The following SCGB2A1 variants were observed in gnomAD, a reference collection of about 807,000 sequenced individuals.
The protein encoded by SCGB2A1 is mammaglobin-B.
Under a neutral mutation model 9.2 loss-of-function variants are expected in SCGB2A1, and 6 were observed. That is an observed-to-expected ratio of 0.66 (90% CI 0.36 to 1.29). The LOEUF (loss-of-function observed/expected upper bound fraction) is 1.29, where lower values mean the gene tolerates loss of function less well. Among genes scored for constraint, SCGB2A1 ranks in the 50% most tolerant of loss-of-function variants. The pLI, the probability that SCGB2A1 is intolerant of heterozygous loss-of-function variation, is 0.03. For missense variants in SCGB2A1, 138 were observed against 116.9 expected (o/e 1.18, Z -0.83); for synonymous variants, 37 against 41.0 (o/e 0.90, Z 0.37).
Position 62,210,465 on chromosome 11 carries a change from C to T in SCGB2A1, c.108C>T (p.Asp36=), listed in dbSNP as rs1275612694. 5 of 1,566,854 alleles carry T rather than the reference C, an allele frequency of 3.2e-6. No individual in the cohort carries two copies. In the East Asian group the frequency reaches 6.9e-5, roughly 22 times the overall value. Residue 36 remains aspartate (D), a synonymous_variant, in exon 2 of 3, where the codon GAC becomes GAT. Coordinates refer to ENST00000244930, the MANE Select transcript of SCGB2A1 (RefSeq NM_002407.3). The part of the protein sequence containing the change: ...EDMVEKTINS[D]ISIPEYKELL... Reference sequence around the variant, plus strand: ...TGGTTGAAAAGACCATCAATTCCGACATATCTATACCTGAATACAAAGAGC... The same window carrying T: ...TGGTTGAAAAGACCATCAATTCCGATATATCTATACCTGAATACAAAGAGC...
At chr11:62,213,606 G>A in intron 2 of SCGB2A1, 120 bp from the exon 3 acceptor site, 2 of 947,500 alleles carry the variant, frequency 2.1e-6, no homozygotes, top group Non-Finnish European at 3.2e-6. Flanking sequence ...TGCTTCCACT[G>A]CAAATCCTCC....
intron 1 of SCGB2A1, among the ~76,000 whole-genome samples, chr11:62,210,016 G>C (rs895486225): frequency 3.6e-4 from 55 of 152,264 alleles, no homozygotes; most frequent in Middle Eastern, 6.8e-3. Context: ...AGAACTAATG[G>C]ACAATGTCCT....
intron 2 of SCGB2A1, among the ~76,000 whole-genome samples, chr11:62,212,184 A>T (rs1012712779): frequency 6.6e-6 from 1 of 151,902 alleles, no homozygotes; most frequent in Admixed American, 6.6e-5. Context: ...CAGCCTCCCA[A>T]AGTGCTGGGA....
At chr11:62,209,679 T>TGTGTGTGTGTGTG (rs1554985480) in intron 1 of SCGB2A1, among the ~76,000 whole-genome samples, 2 of 90,086 alleles carry the variant, frequency 2.2e-5, no homozygotes, top group Admixed American at 1.2e-4. Context: ...GTGTGTGTGT[T>TGTGTGTGTGTGTG]TGAGACAGGG....
At chr11:62,209,836 G>A (rs1057073755) in intron 1 of SCGB2A1, among the ~76,000 whole-genome samples, 3 of 151,998 alleles carry the variant, frequency 2.0e-5, no homozygotes, top group Non-Finnish European at 4.4e-5. Flanking sequence ...CACTATGCCT[G>A]GCTAATTTTT....
chr11:62,213,923 A>G lies in SCGB2A1; in HGVS notation c.*153A>G. ...CTCAAATTCATTTCCATTTCAATAA[A>G]CTAACTGCAAATCACTAAAATTCTT... On this transcript the variant is annotated 3_prime_UTR_variant, in exon 3 of 3. Coordinates refer to ENST00000244930, the MANE Select transcript of SCGB2A1 (RefSeq NM_002407.3). The G allele has an allele frequency of 5.1e-6, 3 of 588,234 alleles. No individual in the cohort carries two copies. In the South Asian group the frequency reaches 8.2e-5, roughly 16 times the overall value. 36.4% of individuals were successfully genotyped at this position (588,234 alleles called of 1,614,324 possible). A position where few individuals can be genotyped will look rare whatever the true frequency, so the allele number is the denominator to read the frequency against.
At position 62,208,888 on chromosome 11, in the gene SCGB2A1, G is replaced by A. The variant is rs551742904; in HGVS notation, c.55+102G>A. The A allele has an allele frequency of 2.3e-5, 28 of 1,202,358 alleles. No homozygotes were observed. In the East Asian group the frequency reaches 6.7e-4, roughly 29 times the overall value. 74.5% of individuals were successfully genotyped at this position (1,202,358 alleles called of 1,614,324 possible). A position where few individuals can be genotyped will look rare whatever the true frequency, so the allele number is the denominator to read the frequency against. ...TAATCCCCAGCACAGACGAGCCCCA[G>A]TGTGAAGGGCCTGGGTGCGATAGGC... On this transcript the variant is annotated intron_variant, in intron 1 of 2. Coordinates refer to ENST00000244930, the MANE Select transcript of SCGB2A1 (RefSeq NM_002407.3).
rs759541681 is a variant in SCGB2A1, at chr11:62,208,703, G to A, written c.-29G>A. 1.2e-5 allele frequency: 19 copies of A among 1,612,682 alleles called. No homozygotes were observed. The highest frequency in any genetic ancestry group is 1.6e-4 in the Middle Eastern group (1 of 6,076). On this transcript the variant is annotated 5_prime_UTR_variant, in exon 1 of 3. Coordinates refer to ENST00000244930, the MANE Select transcript of SCGB2A1 (RefSeq NM_002407.3). ...AACTTCCTTGATCCCTGCCACGCAC[G>A]ACTGAACACAGACAGCAGCCGCCTC...
intron 1 of SCGB2A1, 54 bp from the exon 2 acceptor site, chr11:62,210,359 C>T: frequency 1.3e-6 from 2 of 1,534,176 alleles, no homozygotes; most frequent in Non-Finnish European, 1.7e-6. Context: ...TGAATCACAC[C>T]TCTAGTAATG....
rs1286093924 is a variant in SCGB2A1, at chr11:62,213,010, A to ACG, written c.244-716_244-715insCG. Among the ~76,000 whole-genome samples, 13 of 86,834 alleles carry ACG rather than the reference A, an allele frequency of 1.5e-4. No individual in the cohort carries two copies. The South Asian group carries it at 2.6e-3, about 17-fold the overall frequency. 57.0% of individuals were successfully genotyped at this position (86,834 alleles called of 152,430 possible). ...TATACATGCATATATGTACACATAT[A>ACG]TGCACATATATACATATATACACAC... is the stretch of plus-strand genomic sequence containing the variant. On this transcript the variant is annotated intron_variant, in intron 2 of 2. Coordinates refer to ENST00000244930, the MANE Select transcript of SCGB2A1 (RefSeq NM_002407.3).
At chr11:62,213,106 ATTT>A (rs1554985926) in intron 2 of SCGB2A1, among the ~76,000 whole-genome samples, 4 of 116,252 alleles carry the variant, frequency 3.4e-5, no homozygotes, top group Non-Finnish European at 6.8e-5. Flanking sequence ...ATATATATAT[ATTT>A]TTTTTTTTGT....
chr11:62,210,532 A>G lies in SCGB2A1; in HGVS notation c.175A>G (p.Met59Val), dbSNP rs766914351. Residue 59 changes from methionine to valine, a missense_variant, in exon 2 of 3, where the codon ATG (methionine) becomes GTG (valine). Physicochemically the swap from Met to Val is conservative, Grantham distance 21. Transcript: ENST00000244930. Reference protein sequence around the residue: ...FIDSDAAAEAMGKFKQCFLNQ... With the variant: ...FIDSDAAAEAVGKFKQCFLNQ... ...AGACAGTGATGCCGCTGCAGAGGCT[A>G]TGGGGAAATTCAAGCAGTGTTTCCT... 3.1e-6 allele frequency: 5 copies of G among 1,591,888 alleles called. No individual in the cohort carries two copies. Among genetic ancestry groups the G allele is most frequent in the South Asian group, 2.4e-5 (2 of 83,136 alleles).
In SCGB2A1 at chr11:62,208,783, G is replaced by A; in HGVS notation, c.52G>A (p.Ala18Thr). 6.2e-7 allele frequency: 1 copy of A among 1,613,214 alleles called. No homozygotes were observed. Among genetic ancestry groups the A allele is most frequent in the Admixed American group, 1.7e-5 (1 of 60,008 alleles). The part of the protein sequence containing the change: ...MLAALLLHCY[A>T]DSGCKLLEDM... Reference sequence around the variant, plus strand: ...GGCGGCCCTCCTCCTGCACTGCTATGCAGGTGAGTTCTGGGCAGAGAGGGC... The same window carrying A: ...GGCGGCCCTCCTCCTGCACTGCTATACAGGTGAGTTCTGGGCAGAGAGGGC... The change falls in exon 1 of 3, where the codon GCA becomes ACA. Residue 18 changes from alanine (A) to threonine (T), a missense_variant. Transcript: ENST00000244930.
At chr11:62,208,955 T>A (rs796458494) in intron 1 of SCGB2A1, among the ~76,000 whole-genome samples, 169 bp downstream of exon 1, 2 of 152,234 alleles carry the variant, frequency 1.3e-5, no homozygotes, top group African/African-American at 4.8e-5. Context: ...GCATGCAGTG[T>A]CCTCATGGGC....
At chr11:62,211,105 C>A (rs772887384) in intron 2 of SCGB2A1, among the ~76,000 whole-genome samples, 1 of 151,728 alleles carries the variant, frequency 6.6e-6, no homozygotes, top group Non-Finnish European at 1.5e-5. Flanking sequence ...TGTATTTTAA[C>A]TAGAGAAGGA....
intron 1 of SCGB2A1, among the ~76,000 whole-genome samples, chr11:62,209,374 G>A (rs567196953): frequency 2.0e-5 from 3 of 152,260 alleles, no homozygotes; most frequent in South Asian, 2.1e-4. Flanking sequence ...AAAAAGCCCC[G>A]GCTGCTGGAA....
In SCGB2A1 at chr11:62,213,794, G is replaced by A. The variant is rs749897608; in HGVS notation, c.*24G>A. On this transcript the variant is annotated 3_prime_UTR_variant, in exon 3 of 3. Transcript: ENST00000244930. ...AACTTTACCCAAGGCGTTTGGCTCA[G>A]AGGGCTACAGACTATGGCCAGAACT... 2 of 1,606,606 alleles carry A rather than the reference G, an allele frequency of 1.2e-6. No homozygotes were observed. The highest frequency in any genetic ancestry group is 1.1e-5 in the South Asian group (1 of 90,698).
intron 2 of SCGB2A1, among the ~76,000 whole-genome samples, chr11:62,211,214 G>A (rs1040306802): frequency 2.0e-5 from 3 of 151,850 alleles, no homozygotes; most frequent in Non-Finnish European, 4.4e-5. Context: ...CTGAGCCCCC[G>A]CACCCAGCCA....
At chr11:62,213,074 A>G (rs1944849501) in intron 2 of SCGB2A1, among the ~76,000 whole-genome samples, 1 of 43,722 alleles carries the variant, frequency 2.3e-5, no homozygotes, top group Admixed American at 3.5e-4. Flanking sequence ...ATATATACAT[A>G]TATACACATA....
Sources: allele counts gnomAD v4.1 joint callset (sites outside exome capture counted in the v4.1 genomes callset), GRCh38; gene constraint gnomAD v4.1.1; transcripts MANE v1.5; gene names NCBI Gene and HGNC (gene_info 2026-07-23, HGNC 2026-07-21).